GNA12: variants seen among roughly 807,000 people sequenced by gnomAD.
GNA12 encodes the protein guanine nucleotide-binding protein subunit alpha-12.
In GNA12, 9 loss-of-function variants were observed where a neutral mutation model predicts 26.0. The ratio of observed to expected loss-of-function variants is 0.35; its 90% confidence interval spans 0.21 to 0.60. The LOEUF (loss-of-function observed/expected upper bound fraction) is 0.60, where lower values mean the gene tolerates loss of function less well. Among genes scored for constraint, GNA12 ranks in the 20% least tolerant of loss-of-function variants. GNA12 has a pLI of 0.78. For synonymous variants in GNA12, 264 were observed against 219.6 expected, an observed-to-expected ratio of 1.20 and a Z score of -1.79; for missense variants, 405 against 525.8, an observed-to-expected ratio of 0.77 and a Z score of 2.25.
At chr7:2,763,192 A>ACACT in intron 2 of GNA12, 1 of 33,144 alleles carries the variant, frequency 3.0e-5, no homozygotes, top group Non-Finnish European at 4.7e-5. Context: ...AGACACCCCA[A>ACACT]CACACACACA....
chr7:2,831,021 C>G (rs1793593698), intron 1 of GNA12, among the ~76,000 whole-genome samples: 1 of 152,060 alleles, frequency 6.6e-6, no homozygotes. Flanking sequence ...CCTTCCAGGC[C>G]ATCTTCTCAT....
At position 2,794,912 on chromosome 7, in the gene GNA12, A is replaced by C; in HGVS notation, c.525+16T>G. On this transcript the variant is annotated intron_variant, in intron 2 of 3. Coordinates refer to ENST00000275364, the MANE Select transcript of GNA12 (RefSeq NM_007353.3). ...ACACACTATCAGGTGCCCAGCAAGA[A>C]GGCCTACTCACTCACCAGCTGAAAC... The C allele has an allele frequency of 6.3e-7, 1 of 1,575,402 alleles. No individual in the cohort carries two copies. Among genetic ancestry groups the C allele is most frequent in the East Asian group, 2.2e-5 (1 of 44,724 alleles).
At chr7:2,813,708 G>C (rs977650018) in intron 1 of GNA12, among the ~76,000 whole-genome samples, 1 of 152,230 alleles carries the variant, frequency 6.6e-6, no homozygotes, top group African/African-American at 2.4e-5. Flanking sequence ...CAGCGTATTC[G>C]TTAGGAGATC....
intron 1 of GNA12, among the ~76,000 whole-genome samples, chr7:2,811,206 G>A (rs1264656956): frequency 2.0e-5 from 3 of 152,200 alleles, no homozygotes; most frequent in Non-Finnish European, 2.9e-5. Context: ...CAGGGAAGAC[G>A]GCTCAGCCTA....
chr7:2,799,664 T>C lies in GNA12; in HGVS notation c.310-4521A>G, dbSNP rs1407914286. 4.6e-5 allele frequency among the ~76,000 whole-genome samples: 7 copies of C among 151,068 alleles called. No individual in the cohort carries two copies. The East Asian group carries it at 7.8e-4, about 17-fold the overall frequency. On this transcript the variant is annotated intron_variant, in intron 1 of 3. Transcript: ENST00000275364. ...AAATTCAGCAGGTCACAGAATGAAA[T>C]GAAGAGAAAAAAAAAATTTTTTAAA...
chr7:2,769,244 T>C (rs940941862), intron 2 of GNA12, among the ~76,000 whole-genome samples: 3 of 151,988 alleles, frequency 2.0e-5, no homozygotes, highest in Non-Finnish European at 4.4e-5. Flanking sequence ...TTCCTTCTAA[T>C]AGCCATCTGG....
intron 1 of GNA12, among the ~76,000 whole-genome samples, chr7:2,806,391 G>A (rs572268673): frequency 6.8e-6 from 1 of 147,548 alleles, no homozygotes; most frequent in Non-Finnish European, 1.5e-5. Flanking sequence ...GGAGGCAGAG[G>A]TTGCAGTGAG....
chr7:2,769,016 G>A (rs1000577910), intron 2 of GNA12, among the ~76,000 whole-genome samples: 1 of 152,168 alleles, frequency 6.6e-6, no homozygotes, highest in African/African-American at 2.4e-5. Context: ...CAGTTCTCCT[G>A]CCTCAGCCTC....
chr7:2,746,175 A>G (rs1790754233), intron 2 of GNA12, among the ~76,000 whole-genome samples: 1 of 152,254 alleles, frequency 6.6e-6, no homozygotes, highest in Non-Finnish European at 1.5e-5. Flanking sequence ...CAGACCTAAT[A>G]GACATCTACG....
intron 2 of GNA12, among the ~76,000 whole-genome samples, chr7:2,793,307 C>T (rs760664844): frequency 1.4e-5 from 2 of 144,088 alleles, no homozygotes; most frequent in Non-Finnish European, 3.0e-5. Flanking sequence ...GCGGACAGGA[C>T]GCGAGAGGAA....
At chr7:2,840,922 T>TG (rs994030334) in intron 1 of GNA12, among the ~76,000 whole-genome samples, 5 of 150,214 alleles carry the variant, frequency 3.3e-5, no homozygotes, top group African/African-American at 1.2e-4. Context: ...AATGCGGGGG[T>TG]GGGGGCTGAA....
chr7:2,762,886 C>A, intron 2 of GNA12: 1 of 1,438,244 alleles, frequency 7.0e-7, no homozygotes, highest in South Asian at 1.5e-5. Context: ...CTCGTGGAGC[C>A]ATTGGTGCTG....
chr7:2,781,458 A>C (rs757232130), intron 2 of GNA12, among the ~76,000 whole-genome samples: 40 of 107,330 alleles, frequency 3.7e-4, no homozygotes, highest in Non-Finnish European at 7.8e-4. Flanking sequence ...GTAGGGTACA[A>C]TTTCATTGTT....
At chr7:2,828,223 G>A (rs1793527454) in intron 1 of GNA12, among the ~76,000 whole-genome samples, 1 of 152,204 alleles carries the variant, frequency 6.6e-6, no homozygotes. Context: ...GAAAACTGCA[G>A]AGGAATACAG....
At chr7:2,836,264 G>A (rs1778834964) in intron 1 of GNA12, among the ~76,000 whole-genome samples, 2 of 152,192 alleles carry the variant, frequency 1.3e-5, no homozygotes, top group African/African-American at 2.4e-5. Context: ...CAGACACTGA[G>A]TAAAAAGACC....
At chr7:2,753,671 T>C (rs1791145277) in intron 2 of GNA12, among the ~76,000 whole-genome samples, 1 of 152,206 alleles carries the variant, frequency 6.6e-6, no homozygotes, top group South Asian at 2.1e-4. Flanking sequence ...GTGGTGTGGA[T>C]GTAAGTTTCA....
intron 1 of GNA12, among the ~76,000 whole-genome samples, chr7:2,807,057 T>C (rs1792967402): frequency 2.0e-5 from 3 of 152,224 alleles, no homozygotes. Flanking sequence ...CCCCAAATTG[T>C]TTTTTAGTTG....
intron 2 of GNA12, among the ~76,000 whole-genome samples, chr7:2,791,688 C>T (rs1792522953): frequency 6.6e-6 from 1 of 151,814 alleles, no homozygotes; most frequent in South Asian, 2.1e-4. Context: ...AGCTTTGACA[C>T]TCAGGAAAAG....
chr7:2,817,992 A>T (rs1226592556), intron 1 of GNA12, among the ~76,000 whole-genome samples: 2 of 152,220 alleles, frequency 1.3e-5, no homozygotes. Context: ...ACAAAAAAAG[A>T]AGAAAAAGTA....
Sources: gnomAD v4.1 joint callset for allele counts (sites outside exome capture counted in the v4.1 genomes callset) on GRCh38, gnomAD v4.1.1 for gene constraint, MANE v1.5 for transcripts, NCBI Gene and HGNC (gene_info 2026-07-23, HGNC 2026-07-21) for gene names.